TNIP3: variants seen among roughly 807,000 people sequenced by gnomAD.
The protein encoded by TNIP3 is TNFAIP3-interacting protein 3.
In TNIP3, 34 loss-of-function variants were observed where a neutral mutation model predicts 54.1. The ratio of observed to expected loss-of-function variants is 0.63; its 90% CI spans 0.48 to 0.84. The LOEUF is 0.84. TNIP3 is among the 40% of genes least tolerant of loss of function. TNIP3 has a pLI of 0.00. For synonymous variants in TNIP3, 134 were observed against 136.8 expected (o/e 0.98, Z 0.14); for missense variants, 366 against 387.6 (o/e 0.94, Z 0.47).
intron 5 of TNIP3, among the ~76,000 whole-genome samples, chr4:121,153,173 A>G (rs1729865486): frequency 6.6e-6 from 1 of 152,130 alleles, no homozygotes; most frequent in Non-Finnish European, 1.5e-5. Context: ...TAAAATGTAA[A>G]ATTTCGTGTA....
At chr4:121,179,288 A>G (rs1724544749) in intron 3 of TNIP3, among the ~76,000 whole-genome samples, 1 of 152,216 alleles carries the variant, frequency 6.6e-6, no homozygotes, top group Non-Finnish European at 1.5e-5. Context: ...AACTTTGTGA[A>G]TTTAGGCAAT....
At chr4:121,152,416 T>C (rs1417744711) in intron 5 of TNIP3, among the ~76,000 whole-genome samples, 1 of 152,208 alleles carries the variant, frequency 6.6e-6, no homozygotes, top group African/African-American at 2.4e-5. Context: ...GCTTAAAGTA[T>C]AGATGTGGGA....
At chr4:121,178,142 T>C (rs939803563) in intron 3 of TNIP3, among the ~76,000 whole-genome samples, 1 of 152,182 alleles carries the variant, frequency 6.6e-6, no homozygotes, top group Non-Finnish European at 1.5e-5. Context: ...AAGTAGAAAG[T>C]ACAGGGCAAT....
chr4:121,222,581 A>G (rs1290504740), intron 1 of TNIP3, among the ~76,000 whole-genome samples: 1 of 152,160 alleles, frequency 6.6e-6, no homozygotes, highest in Non-Finnish European at 1.5e-5. Context: ...TTTCACCTCA[A>G]TTGCACTATA....
intron 10 of TNIP3, among the ~76,000 whole-genome samples, chr4:121,135,914 A>G (rs1728753694): frequency 6.6e-6 from 1 of 152,222 alleles, no homozygotes; most frequent in Non-Finnish European, 1.5e-5. Context: ...TTAAGCTATG[A>G]AATACATCAA....
At chr4:121,154,117 G>A (rs1729932973) in intron 5 of TNIP3, 2 of 203,582 alleles carry the variant, frequency 9.8e-6, no homozygotes, top group Admixed American at 1.2e-4. Context: ...TATCATCTCA[G>A]CCTTGGATTC....
At chr4:121,170,367 AAC>A (rs781103221) in intron 3 of TNIP3, among the ~76,000 whole-genome samples, 27 of 152,332 alleles carry the variant, frequency 1.8e-4, no homozygotes, top group Non-Finnish European at 3.7e-4. Context: ...TGCTTTTCAG[AAC>A]ACAGTCCAGA....
At chr4:121,149,454 G>A (rs1360730761) in intron 6 of TNIP3, among the ~76,000 whole-genome samples, 6 of 152,170 alleles carry the variant, frequency 3.9e-5, no homozygotes, top group African/African-American at 1.4e-4. Context: ...TCCAGAGTTG[G>A]GATTAATAGT....
chr4:121,227,477 A>T (rs1727307411), upstream of TNIP3: 1 of 1,159,720 alleles, frequency 8.6e-7, no homozygotes, highest in East Asian at 2.6e-5. Flanking sequence ...TGAATCAAAC[A>T]GTAACTAAGT....
chr4:121,201,426 G>A (rs1303896366), intron 2 of TNIP3, among the ~76,000 whole-genome samples: 3 of 152,158 alleles, frequency 2.0e-5, no homozygotes, highest in African/African-American at 7.2e-5. Context: ...TATATTGTAT[G>A]TCTCAAAATA....
At chr4:121,194,606 C>T (rs1725466649) in intron 2 of TNIP3, among the ~76,000 whole-genome samples, 1 of 152,032 alleles carries the variant, frequency 6.6e-6, no homozygotes, top group Non-Finnish European at 1.5e-5. Flanking sequence ...CGTATTCTAG[C>T]CCAAGGATTC....
intron 2 of TNIP3, among the ~76,000 whole-genome samples, chr4:121,185,286 T>C (rs1033866997): frequency 5.9e-5 from 9 of 152,232 alleles, no homozygotes; most frequent in Non-Finnish European, 8.8e-5. Flanking sequence ...CAGGCCTTGG[T>C]GTTTGCTCTT....
intron 1 of TNIP3, among the ~76,000 whole-genome samples, chr4:121,161,574 T>C (rs539049027): frequency 6.6e-6 from 1 of 152,310 alleles, no homozygotes; most frequent in East Asian, 1.9e-4. Flanking sequence ...GTTTCATGGA[T>C]ATATTTTAGG....
intron 3 of TNIP3, among the ~76,000 whole-genome samples, chr4:121,180,239 A>C (rs1724604885): frequency 6.6e-6 from 1 of 152,152 alleles, no homozygotes; most frequent in Non-Finnish European, 1.5e-5. Flanking sequence ...TCTCTACTAA[A>C]AATACAAAAA....
chr4:121,147,147 T>G lies in TNIP3; in HGVS notation c.637A>C (p.Lys213Gln). 6.2e-7 allele frequency: 1 copy of G among 1,612,122 alleles called. No individual in the cohort carries two copies. Among genetic ancestry groups the G allele is most frequent in the Non-Finnish European group, 8.5e-7 (1 of 1,179,258 alleles). Residue 213 changes from lysine (K) to glutamine (Q), a missense_variant, in exon 7 of 11, where the codon AAG becomes CAG. By Grantham distance (53) the Lys-to-Gln change is moderately conservative. Transcript: ENST00000057513. ...AGTCTCTCTCGATCCGATCGTTCCT[T>G]TTTGAAGTCTTCTTCGTATATTTGC... ...QVQIYEEDFK[K>Q]ERSDRERLNQ...
At position 121,164,127 on chromosome 4, in the gene TNIP3, G is replaced by A. The variant is rs1486264724; in HGVS notation, c.-2C>T. On this transcript the variant is annotated 5_prime_UTR_variant, in exon 1 of 11. Transcript: ENST00000057513. ...TGTGCCCTGTACAAAATGTGCCATGGAAGCTGTTTTTCCTGGAGTCTTGGA... is the reference window on the plus strand; with the variant it reads ...TGTGCCCTGTACAAAATGTGCCATGAAAGCTGTTTTTCCTGGAGTCTTGGA... 2 of 1,613,644 alleles carry A rather than the reference G, an allele frequency of 1.2e-6. No homozygotes were observed. The highest frequency in any genetic ancestry group is 1.7e-6 in the Non-Finnish European group (2 of 1,179,778).
intron 7 of TNIP3, among the ~76,000 whole-genome samples, 186 bp downstream of exon 7, chr4:121,146,863 A>C (rs901509341): frequency 2.0e-4 from 31 of 152,190 alleles, no homozygotes; most frequent in Admixed American, 9.8e-4. Context: ...TAATATACTT[A>C]AGTTAAAAGA....
At position 121,211,634 on chromosome 4, in the gene TNIP3, T is replaced by A. The variant is rs751569428; in HGVS notation, c.68+4781A>T. Among the ~76,000 whole-genome samples the A allele has an allele frequency of 5.1e-4, 78 of 152,284 alleles. 1 individual carries two copies. Among genetic ancestry groups the A allele is most frequent in the Admixed American group, 3.9e-3 (59 of 15,296 alleles). ...TTCCAAATTGCCCTGAAAACTAGAATTTTACTAATGCAATACCTTCTATTA... is the reference window on the plus strand; with the variant it reads ...TTCCAAATTGCCCTGAAAACTAGAAATTTACTAATGCAATACCTTCTATTA... On this transcript the variant is annotated intron_variant, in intron 2 of 12. Transcript: ENST00000507879.
chr4:121,162,683 A>G (rs1000616609), intron 1 of TNIP3, among the ~76,000 whole-genome samples: 1 of 152,236 alleles, frequency 6.6e-6, no homozygotes, highest in Non-Finnish European at 1.5e-5. Flanking sequence ...GGTTCCCACC[A>G]CAAGAGCACA....
Sources: gnomAD v4.1 joint callset for allele counts (sites outside exome capture counted in the v4.1 genomes callset) on GRCh38, gnomAD v4.1.1 for gene constraint, MANE v1.5 for transcripts, NCBI Gene and HGNC (gene_info 2026-07-23, HGNC 2026-07-21) for gene names.